Variants in C1orf159 observed in about 807,000 individuals in gnomAD.
The protein encoded by C1orf159 is uncharacterized protein C1orf159.
C1orf159 carries 19 observed loss-of-function variants against 25.6 expected under a neutral mutation model. That is an observed-to-expected ratio of 0.74 (90% CI 0.52 to 1.09). C1orf159 has a LOEUF of 1.09. C1orf159 is among the 50% of genes least tolerant of loss of function. C1orf159 has a pLI of 0.00. For missense variants in C1orf159, 274 were observed against 290.6 expected (o/e 0.94, Z 0.42); for synonymous variants, 139 against 124.7 (o/e 1.12, Z -0.77).
intron 1 of C1orf159, among the ~76,000 whole-genome samples, chr1:1,102,093 A>AG (rs1646109750): frequency 7.0e-6 from 1 of 142,220 alleles, no homozygotes; most frequent in South Asian, 2.2e-4. Flanking sequence ...AAAAAAAAAA[A>AG]AAACAAACTT....
At chr1:1,107,540 A>G (rs2100772704) in intron 1 of C1orf159, among the ~76,000 whole-genome samples, 2 of 152,304 alleles carry the variant, frequency 1.3e-5, no homozygotes, top group South Asian at 4.1e-4. Flanking sequence ...TTTTACGTCT[A>G]GCTAGAGGAC....
rs559101706 is a variant in C1orf159 at position 1,110,941 on chromosome 1, G to A, written c.-136+5119C>T. Among the ~76,000 whole-genome samples, 8 of 152,360 alleles carry A rather than the reference G, an allele frequency of 5.3e-5. No individual in the cohort carries two copies. Among genetic ancestry groups the A allele is most frequent in the African/African-American group, 1.4e-4 (6 of 41,582 alleles). ...AGCGCTCCTGTCTGGCGCGGCAGGCGGGCGCTGGAGCAGCCTGCGAGGCAA... is the reference window on the plus strand; with the variant it reads ...AGCGCTCCTGTCTGGCGCGGCAGGCAGGCGCTGGAGCAGCCTGCGAGGCAA... On this transcript the variant is annotated intron_variant, in intron 1 of 9. Coordinates refer to ENST00000421241, the MANE Select transcript of C1orf159 (RefSeq NM_017891.5). The surrounding 1 kb of genome is among the most constrained non-coding windows in gnomAD (Gnocchi z 4.8).
At chr1:1,101,143 C>CT (rs147746566) in intron 1 of C1orf159, among the ~76,000 whole-genome samples, 171 of 151,760 alleles carry the variant, frequency 1.1e-3, no homozygotes, top group African/African-American at 3.6e-3. Flanking sequence ...GAATTCTATG[C>CT]TTTTTTTTTC....
chr1:1,097,635 C>G (rs1447285069), intron 1 of C1orf159, among the ~76,000 whole-genome samples: 1 of 141,466 alleles, frequency 7.1e-6, no homozygotes, highest in Non-Finnish European at 1.5e-5. Context: ...GATTCCCAGG[C>G]TGGTCTTAAA....
intron 7 of C1orf159, 129 bp downstream of exon 7, chr1:1,085,749 G>A: frequency 8.2e-7 from 1 of 1,225,196 alleles, no homozygotes. Context: ...CCACAGGACA[G>A]GCCCTGCTCC....
intron 1 of C1orf159, among the ~76,000 whole-genome samples, chr1:1,112,261 C>T (rs568558700): frequency 9.1e-4 from 138 of 152,358 alleles, no homozygotes; most frequent in Admixed American, 3.8e-3. Context: ...GGCGAGTTGG[C>T]TCAAGCGTGT....
chr1:1,105,357 A>G (rs954024186), intron 1 of C1orf159, among the ~76,000 whole-genome samples: 1 of 152,062 alleles, frequency 6.6e-6, no homozygotes. Context: ...CCCTTACAGA[A>G]ATCAGCCAGG....
Position 1,082,995 on chromosome 1 carries a change from G to A in C1orf159, c.503-8C>T, listed in dbSNP as rs768073479. ...CGTAGCGCGGCTTCCGTACTGAAAC[G>A]GGTCAGAGACAGGCGAGGTCAGAGT... On this transcript the variant is annotated splice_region_variant and splice_polypyrimidine_tract_variant and intron_variant, in intron 9 of 9. Coordinates refer to ENST00000421241, the MANE Select transcript of C1orf159 (RefSeq NM_017891.5). 3.3e-5 allele frequency: 53 copies of A among 1,586,850 alleles called. No individual in the cohort carries two copies. The Middle Eastern group carries it at 5.0e-4, about 15-fold the overall frequency.
rs1356553393 is a variant in C1orf159 at position 1,082,982 on chromosome 1, T to G, written c.508A>C (p.Lys170Gln). 3 of 1,597,430 alleles carry G rather than the reference T, an allele frequency of 1.9e-6. No homozygotes were observed. Among genetic ancestry groups the G allele is most frequent in the Non-Finnish European group, 2.6e-6 (3 of 1,172,504 alleles). Residue 170 changes from lysine (K) to glutamine (Q), a missense_variant, in exon 10 of 10, where the codon AAG becomes CAG. Lys to Gln is a moderately conservative substitution (Grantham distance 53). Coordinates refer to ENST00000421241, the MANE Select transcript of C1orf159 (RefSeq NM_017891.5). ...CGCTCCCGCCTGACGTAGCGCGGCTTCCGTACTGAAACGGGTCAGAGACAG... is the reference window on the plus strand; with the variant it reads ...CGCTCCCGCCTGACGTAGCGCGGCTGCCGTACTGAAACGGGTCAGAGACAG... The part of the protein sequence containing the change: ...MIPPPQSSVR[K>Q]PRYVRRERPL...
chr1:1,092,239 C>T (rs1396497499), intron 1 of C1orf159, 136 bp from the exon 2 acceptor site: 9 of 270,870 alleles, frequency 3.3e-5, no homozygotes, highest in Non-Finnish European at 5.2e-5. Flanking sequence ...TCGAGCAGGG[C>T]GTCCTGGAGG....
rs1646247311 is a variant in C1orf159, at chr1:1,110,804, T to C, written c.-136+5256A>G. Among the ~76,000 whole-genome samples the C allele has an allele frequency of 6.6e-6, 1 of 151,992 alleles. No individual in the cohort carries two copies. The highest frequency in any genetic ancestry group is 2.4e-5 in the African/African-American group (1 of 41,396). ...AACAGCGCATCCCACACCCACTCCT[T>C]GTGCAGCACCTCAGAGGAAGCTCAA... On this transcript the variant is annotated intron_variant, in intron 1 of 9. Coordinates refer to ENST00000421241, the MANE Select transcript of C1orf159 (RefSeq NM_017891.5). This position sits in a 1 kb window ranked among gnomAD's most constrained non-coding sequence, Gnocchi z 4.8.
intron 1 of C1orf159, among the ~76,000 whole-genome samples, chr1:1,113,256 C>T (rs907400159): frequency 1.3e-5 from 2 of 151,660 alleles, no homozygotes; most frequent in Non-Finnish European, 2.9e-5. Context: ...CCATCAAATT[C>T]TTTCTTCTGA....
At chr1:1,115,918 C>G (rs1646334006) in intron 1 of C1orf159, 142 bp downstream of exon 1, 1 of 150,936 alleles carries the variant, frequency 6.6e-6, no homozygotes, top group Non-Finnish European at 1.5e-5. Context: ...CAATGGGGGA[C>G]GCGCAGGGAA....
chr1:1,092,064 C>T lies in C1orf159; in HGVS notation c.-96G>A. The T allele has an allele frequency of 2.2e-6, 1 of 453,856 alleles. No homozygotes were observed. The highest frequency in any genetic ancestry group is 1.6e-5 in the South Asian group (1 of 64,222). 28.1% of individuals were successfully genotyped at this position (453,856 alleles called of 1,614,324 possible). A position where few individuals can be genotyped will look rare whatever the true frequency, so the allele number is the denominator to read the frequency against. On this transcript the variant is annotated 5_prime_UTR_variant, in exon 2 of 10. Coordinates refer to ENST00000421241, the MANE Select transcript of C1orf159 (RefSeq NM_017891.5). ...GGTGTTCAGGGGTTAGCTCTGGGAG[C>T]TCATGGGCTCAGCTGAGCCCTGCAG...
At chr1:1,085,543 A>AG (rs70949550) in intron 7 of C1orf159, among the ~76,000 whole-genome samples, 104,224 of 152,042 alleles carry the variant, frequency 0.69, 36,486 homozygotes, top group East Asian at 0.87. Context: ...GGCAAGTCCA[A>AG]CTGCCGAGAG....
rs1347196034 is a variant in C1orf159 at position 1,086,862 on chromosome 1, G to A, written c.310+277C>T. Among the ~76,000 whole-genome samples, 12 of 152,266 alleles carry A rather than the reference G, an allele frequency of 7.9e-5. No individual in the cohort carries two copies. In the East Asian group the frequency reaches 2.3e-3, roughly 29 times the overall value. ...ATGAGTGTGAACCTGAGAGCGTGTG[G>A]CTGTGAGCTGTGTGACCCTGAGAGA... On this transcript the variant is annotated intron_variant, in intron 6 of 9. Transcript: ENST00000421241.
intron 7 of C1orf159, 71 bp from the exon 8 acceptor site, chr1:1,084,577 C>G (rs556125581): frequency 2.0e-6 from 3 of 1,535,810 alleles, no homozygotes; most frequent in Non-Finnish European, 2.6e-6. Flanking sequence ...GTGCAGCGTC[C>G]GGGACAGCAG....
chr1:1,106,430 T>TG (rs1436764931), intron 1 of C1orf159, among the ~76,000 whole-genome samples: 1 of 152,094 alleles, frequency 6.6e-6, no homozygotes, highest in East Asian at 1.9e-4. Context: ...TAAAATGGTG[T>TG]GAAAAACAGT....
chr1:1,108,937 C>T (rs542081060), intron 1 of C1orf159, among the ~76,000 whole-genome samples: 1 of 110,552 alleles, frequency 9.0e-6, no homozygotes, highest in African/African-American at 4.9e-5. Context: ...GCCACCATGT[C>T]TCGGCAGCAC....
Sources: allele counts gnomAD v4.1 joint callset (sites outside exome capture counted in the v4.1 genomes callset), GRCh38; gene constraint gnomAD v4.1.1; non-coding constraint Gnocchi (gnomAD v3.1); transcripts MANE v1.5; gene names NCBI Gene and HGNC (gene_info 2026-07-23, HGNC 2026-07-21).